Variants in NLK observed in about 807,000 individuals in gnomAD.
NLK encodes nemo like kinase, also known as serine/threonine-protein kinase NLK.
A neutral mutation model predicts 59.0 loss-of-function variants in NLK; 11 were observed. The ratio of observed to expected loss-of-function variants is 0.19; its 90% CI spans 0.12 to 0.31. NLK has a LOEUF of 0.31. Among genes scored for constraint, NLK ranks in the 10% least tolerant of loss-of-function variants. The pLI is 1.00. For missense variants in NLK, 410 were observed against 661.1 expected, an observed-to-expected ratio of 0.62 and a Z score of 4.16; for synonymous variants, 235 against 235.9, an observed-to-expected ratio of 1.00 and a Z score of 0.03.
intron 7 of NLK, among the ~76,000 whole-genome samples, chr17:28,184,746 G>A (rs1387026152): frequency 1.3e-5 from 2 of 152,078 alleles, no homozygotes; most frequent in African/African-American, 2.4e-5. Context: ...TCAGGGGTTC[G>A]AGACCAGCCT....
At chr17:28,188,945 G>A (rs1272295975) in intron 8 of NLK, among the ~76,000 whole-genome samples, 1 of 151,682 alleles carries the variant, frequency 6.6e-6, no homozygotes, top group Non-Finnish European at 1.5e-5. Flanking sequence ...AAGAGCAGGT[G>A]TCTGTGGTGA....
chr17:28,185,102 T>C (rs1425222428), intron 7 of NLK, 77 bp from the exon 8 acceptor site: 8 of 757,646 alleles, frequency 1.1e-5, no homozygotes, highest in Non-Finnish European at 1.7e-5. Context: ...GTACTTACCT[T>C]ATCATAAATT....
chr17:28,075,496 GTACA>G (rs1910135226), intron 1 of NLK, among the ~76,000 whole-genome samples: 1 of 152,156 alleles, frequency 6.6e-6, no homozygotes, highest in Non-Finnish European at 1.5e-5. Flanking sequence ...CAACATCTCT[GTACA>G]GTTTGTGCCT....
At chr17:28,106,464 C>T (rs1905086194) in intron 1 of NLK, among the ~76,000 whole-genome samples, 1 of 152,100 alleles carries the variant, frequency 6.6e-6, no homozygotes, top group Non-Finnish European at 1.5e-5. Flanking sequence ...CCAATAAATG[C>T]AAGAGCTGTA....
chr17:28,181,570 T>TA lies in NLK; in HGVS notation c.1150-3594dup, dbSNP rs1013996311. On this transcript the variant is annotated intron_variant, in intron 7 of 10. Transcript: ENST00000407008. ...GGCAATAGAGCAAGACTCTGTCTCTTAAAAAAAAAAAAAAAGGAAAAGAAA... is the reference window on the plus strand; with the variant it reads ...GGCAATAGAGCAAGACTCTGTCTCTTAAAAAAAAAAAAAAAAGGAAAAGAAA... Among the ~76,000 whole-genome samples the TA allele has an allele frequency of 6.0e-3, 810 of 134,690 alleles. 10 individuals are homozygous for TA. The highest frequency in any genetic ancestry group is 0.016 in the African/African-American group (585 of 36,472). 88.4% of individuals were successfully genotyped at this position (134,690 alleles called of 152,430 possible). A position where few individuals can be genotyped will look rare whatever the true frequency, so the allele number is the denominator to read the frequency against.
chr17:28,152,691 A>G (rs976435345), intron 3 of NLK, among the ~76,000 whole-genome samples: 1 of 151,902 alleles, frequency 6.6e-6, no homozygotes, highest in Non-Finnish European at 1.5e-5. Context: ...TGGTGCAATC[A>G]TGGCTCACCA....
At chr17:28,134,937 C>G (rs1385678655) in intron 3 of NLK, among the ~76,000 whole-genome samples, 1 of 152,144 alleles carries the variant, frequency 6.6e-6, no homozygotes, top group Non-Finnish European at 1.5e-5. Context: ...TTAATGATTC[C>G]ATTTCATAGA....
Position 28,043,188 on chromosome 17 carries a change from A to G in NLK, c.315A>G (p.Pro105=), listed in dbSNP as rs748919262. ...CGGCACCGGGGCAGGCTCCTGGACC[A>G]GCTGCAGCAGCCCCAGCTCAGGTAC... ...PSPAPGQAPG[P]AAAAPAQVQA... Residue 105 remains proline (P), a synonymous_variant, in exon 1 of 11, where the codon CCA becomes CCG. Coordinates refer to ENST00000407008, the MANE Select transcript of NLK (RefSeq NM_016231.5). 1.5e-5 allele frequency: 25 copies of G among 1,613,866 alleles called. No individual in the cohort carries two copies. In the African/African-American group the frequency reaches 2.9e-4, roughly 19 times the overall value.
At chr17:28,056,947 CTTT>C (rs934652705) in intron 1 of NLK, among the ~76,000 whole-genome samples, 1 of 86,904 alleles carries the variant, frequency 1.2e-5, no homozygotes, top group Admixed American at 1.4e-4. Flanking sequence ...CATTACCTAC[CTTT>C]TTTTTTTTTT....
chr17:28,104,482 C>T (rs1905009166), intron 1 of NLK, among the ~76,000 whole-genome samples: 1 of 152,114 alleles, frequency 6.6e-6, no homozygotes, highest in African/African-American at 2.4e-5. Context: ...TCTCGAACTC[C>T]TGACCTCGTG....
intron 1 of NLK, among the ~76,000 whole-genome samples, chr17:28,044,028 C>T (rs1471455173): frequency 1.3e-5 from 2 of 152,094 alleles, no homozygotes; most frequent in East Asian, 1.9e-4. Context: ...CATTTAGTGC[C>T]TCTTAAGTTG....
chr17:28,124,082 A>G (rs1906192282), intron 2 of NLK, among the ~76,000 whole-genome samples: 2 of 152,334 alleles, frequency 1.3e-5, no homozygotes, highest in South Asian at 2.1e-4. Flanking sequence ...AACTTACCAT[A>G]TGGTTCACTC....
intron 10 of NLK, among the ~76,000 whole-genome samples, chr17:28,193,408 G>C (rs1468956534): frequency 6.6e-6 from 1 of 152,192 alleles, no homozygotes; most frequent in Non-Finnish European, 1.5e-5. Flanking sequence ...CCTGCCAGGA[G>C]AGTTCGGGTG....
chr17:28,133,924 A>G (rs2142023045), intron 3 of NLK, among the ~76,000 whole-genome samples: 1 of 152,256 alleles, frequency 6.6e-6, no homozygotes, highest in Admixed American at 6.5e-5. Context: ...TCCCAAGAGA[A>G]CTAAGCTGGG....
chr17:28,130,401 G>C (rs138025859), intron 2 of NLK, among the ~76,000 whole-genome samples: 1 of 152,224 alleles, frequency 6.6e-6, no homozygotes, highest in East Asian at 1.9e-4. Context: ...AGTAGAAAGA[G>C]CAGGAGGATA....
chr17:28,071,741 C>T (rs1910013791), intron 1 of NLK, among the ~76,000 whole-genome samples: 1 of 152,178 alleles, frequency 6.6e-6, no homozygotes, highest in African/African-American at 2.4e-5. Flanking sequence ...TACGTGAAGG[C>T]TTCATCAGAA....
chr17:28,199,924 G>A (rs1909586865), downstream of NLK, among the ~76,000 whole-genome samples: 1 of 152,074 alleles, frequency 6.6e-6, no homozygotes, highest in Non-Finnish European at 1.5e-5. Flanking sequence ...ACTCAGGGGT[G>A]GCAGCTAACC....
At chr17:28,061,083 G>A (rs1909617041) in intron 1 of NLK, among the ~76,000 whole-genome samples, 2 of 152,144 alleles carry the variant, frequency 1.3e-5, no homozygotes, top group South Asian at 4.1e-4. Flanking sequence ...GAGTTCAGTG[G>A]TGCAATCATA....
chr17:28,072,959 A>G (rs1597664877), intron 1 of NLK, among the ~76,000 whole-genome samples: 1 of 151,928 alleles, frequency 6.6e-6, no homozygotes, highest in South Asian at 2.1e-4. Context: ...GTGATTTTGT[A>G]AAATTGTGAG....
Sources: gnomAD v4.1 joint callset for allele counts (sites outside exome capture counted in the v4.1 genomes callset) on GRCh38, gnomAD v4.1.1 for gene constraint, MANE v1.5 for transcripts, NCBI Gene and HGNC (gene_info 2026-07-23, HGNC 2026-07-21) for gene names.